The following P2RY8 variants were observed in gnomAD, a reference collection of about 807,000 sequenced individuals.
P2RY8 encodes the protein S-geranylgeranyl-glutathione receptor P2RY8.
A neutral mutation model predicts 10.0 loss-of-function variants in P2RY8; 6 were observed. The observed-to-expected ratio is 0.60, with a 90% CI of 0.33 to 1.19. The LOEUF (loss-of-function observed/expected upper bound fraction) is 1.19. Among genes scored for constraint, P2RY8 ranks in the 50% most tolerant of loss-of-function variants. The pLI is 0.04. For synonymous variants in P2RY8, 276 were observed against 252.5 expected (o/e 1.09, Z -0.88); for missense variants, 456 against 542.0 (o/e 0.84, Z 1.58).
At chrX:1,534,455 C>A (rs1386321173) in intron 1 of P2RY8, among the ~76,000 whole-genome samples, 1 of 151,870 alleles carries the variant, frequency 6.6e-6, no homozygotes, top group African/African-American at 2.4e-5. Flanking sequence ...CCTTTCCGTA[C>A]CTTAACAGGT....
chrX:1,492,669 C>G (rs1223539448), intron 1 of P2RY8, among the ~76,000 whole-genome samples: 4 of 152,126 alleles, frequency 2.6e-5, no homozygotes, highest in African/African-American at 9.7e-5. Flanking sequence ...TAGCTCGACT[C>G]AAGTTTCTAT....
chrX:1,533,991 T>C (rs1438193500), intron 1 of P2RY8, among the ~76,000 whole-genome samples: 2 of 124,756 alleles, frequency 1.6e-5, no homozygotes, highest in Non-Finnish European at 3.1e-5. Context: ...ATTATATATT[T>C]ATATATTATT....
At chrX:1,484,074 T>C (rs34487068) in intron 1 of P2RY8, among the ~76,000 whole-genome samples, 23,505 of 148,874 alleles carry the variant, frequency 0.16, 2,072 homozygotes, top group Non-Finnish European at 0.2. Context: ...GCTGGGCCCT[T>C]ATATACCTAA....
chrX:1,505,011 G>A (rs1334082780), intron 1 of P2RY8, among the ~76,000 whole-genome samples: 2 of 151,850 alleles, frequency 1.3e-5, no homozygotes, highest in African/African-American at 2.4e-5. Context: ...GGTGGCAGGC[G>A]CCTGTAGTCC....
intron 1 of P2RY8, among the ~76,000 whole-genome samples, chrX:1,521,092 C>T (rs1457855006): frequency 7.9e-5 from 11 of 139,898 alleles, no homozygotes; most frequent in Non-Finnish European, 1.2e-4. Flanking sequence ...TGGACTGCAG[C>T]GGTGCGATCT....
intron 1 of P2RY8, among the ~76,000 whole-genome samples, chrX:1,478,249 A>G (rs5990010): frequency 0.53 from 78,291 of 147,498 alleles, 21,006 homozygotes; most frequent in South Asian, 0.64. Flanking sequence ...TGGCAGGCGT[A>G]TGTGTGTGTG....
At chrX:1,526,312 G>A (rs771512679) in intron 1 of P2RY8, among the ~76,000 whole-genome samples, 30 of 138,726 alleles carry the variant, frequency 2.2e-4, no homozygotes, top group South Asian at 1.4e-3. Context: ...TTATCCAGCC[G>A]CTCATCCACC....
At chrX:1,467,803 A>C (rs1301628129) in intron 1 of P2RY8, among the ~76,000 whole-genome samples, 4 of 151,874 alleles carry the variant, frequency 2.6e-5, no homozygotes, top group Non-Finnish European at 5.9e-5. Flanking sequence ...CAGCCTCCTG[A>C]GTAGTTGGGA....
chrX:1,465,365 C>A lies in P2RY8; in HGVS notation c.*114G>T. The A allele has an allele frequency of 6.7e-6, 10 of 1,484,562 alleles. No individual in the cohort carries two copies. The highest frequency in any genetic ancestry group is 8.9e-6 in the Non-Finnish European group (10 of 1,120,160). 92.0% of individuals were successfully genotyped at this position (1,484,562 alleles called of 1,614,324 possible). ...GAGACCCTTCCCCACCGGGCCTCTG[C>A]AGTGCCTGGGAGCAACGCAGCTGTT... On this transcript the variant is annotated 3_prime_UTR_variant, in exon 2 of 2. Transcript: ENST00000381297.
Position 1,522,637 on chromosome X carries a change from G to C in P2RY8, c.-25+14284C>G, listed in dbSNP as rs189731048. On this transcript the variant is annotated intron_variant, in intron 1 of 1. Coordinates refer to ENST00000381297, the MANE Select transcript of P2RY8 (RefSeq NM_178129.5). ...CAAGACACTTTCATTAGCCGGGCGT[G>C]GTCAGTGCCTGTAATCCCAGCTACT... Among the ~76,000 whole-genome samples the C allele has an allele frequency of 2.4e-3, 367 of 152,206 alleles. 3 individuals are homozygous for C. Among genetic ancestry groups the C allele is most frequent in the Middle Eastern group, 0.017 (5 of 292 alleles).
intron 1 of P2RY8, among the ~76,000 whole-genome samples, chrX:1,483,626 C>T (rs5989654): frequency 0.24 from 36,331 of 151,738 alleles, 4,628 homozygotes; most frequent in African/African-American, 0.3. Flanking sequence ...AAGAACAAAA[C>T]TTTGTCTAAA....
chrX:1,467,283 C>G (rs2091699716), intron 1 of P2RY8, among the ~76,000 whole-genome samples: 3 of 152,202 alleles, frequency 2.0e-5, no homozygotes, highest in Admixed American at 2.0e-4. Context: ...CCTGCTCTTT[C>G]TTCCTCCAGA....
chrX:1,490,655 G>C (rs1417165876), intron 1 of P2RY8, among the ~76,000 whole-genome samples: 2 of 144,150 alleles, frequency 1.4e-5, no homozygotes, highest in African/African-American at 5.2e-5. Context: ...AATGTGGAGG[G>C]AATGAATGAA....
intron 1 of P2RY8, among the ~76,000 whole-genome samples, chrX:1,511,054 C>T (rs1368270109): frequency 6.6e-6 from 1 of 151,628 alleles, no homozygotes; most frequent in Non-Finnish European, 1.5e-5. Flanking sequence ...GTGGCAGGTG[C>T]CTGTAGTCCC....
At chrX:1,509,547 CTATT>C (rs2092277207) in intron 1 of P2RY8, among the ~76,000 whole-genome samples, 5 of 125,772 alleles carry the variant, frequency 4.0e-5, no homozygotes, top group African/African-American at 1.8e-4. Context: ...ATCCATCCAT[CTATT>C]CTATCATCTA....
At chrX:1,471,308 C>CTTTTTTTTTTTTTTTTTTTT (rs1569536548) in intron 1 of P2RY8, among the ~76,000 whole-genome samples, 1 of 71,110 alleles carries the variant, frequency 1.4e-5, no homozygotes. Flanking sequence ...GCGCCCAGCC[C>CTTTTTTTTTTTTTTTTTTTT]ATTTTTTTTT....
At chrX:1,516,377 G>A (rs1370326186) in intron 1 of P2RY8, among the ~76,000 whole-genome samples, 2 of 151,690 alleles carry the variant, frequency 1.3e-5, no homozygotes, top group African/African-American at 2.4e-5. Context: ...CAGGAGAGAG[G>A]CCTCAGGAGG....
intron 1 of P2RY8, among the ~76,000 whole-genome samples, chrX:1,509,372 T>C (rs760354204): frequency 0.02 from 2,466 of 125,346 alleles, 23 homozygotes; most frequent in African/African-American, 0.07. Context: ...TCCATCCATC[T>C]ATTCTATCTA....
At chrX:1,505,987 C>CTTTTTTTTTTTTTTTTTTTTTTTTT (rs542485545) in intron 1 of P2RY8, among the ~76,000 whole-genome samples, 1 of 108,840 alleles carries the variant, frequency 9.2e-6, no homozygotes, top group African/African-American at 3.6e-5. Context: ...TTTCTTTCTT[C>CTTTTTTTTTTTTTTTTTTTTTTTTT]TTTTTTTTTT....
Sources: allele counts gnomAD v4.1 joint callset (sites outside exome capture counted in the v4.1 genomes callset), GRCh38; gene constraint gnomAD v4.1.1; transcripts MANE v1.5; gene names NCBI Gene and HGNC (gene_info 2026-07-23, HGNC 2026-07-21).